The following ABCC4 variants were observed in gnomAD, a reference collection of about 807,000 sequenced individuals.
ABCC4 encodes the protein ATP binding cassette subfamily C member 4 (PEL blood group).
In ABCC4, 102 loss-of-function variants were observed where a neutral mutation model predicts 168.5. The observed-to-expected ratio is 0.61, with a 90% confidence interval of 0.52 to 0.71. The LOEUF (loss-of-function observed/expected upper bound fraction) is 0.71, where lower values mean the gene tolerates loss of function less well. Among genes scored for constraint, ABCC4 ranks in the 30% least tolerant of loss-of-function variants. The probability of loss-of-function intolerance (pLI) is 0.00; values close to 1 mark genes in which losing one functional copy is unlikely to be tolerated. For missense variants in ABCC4, 1,402 were observed against 1,605.8 expected (o/e 0.87, Z 2.17); for synonymous variants, 617 against 590.7 (o/e 1.04, Z -0.65).
chr13:95,086,726 A>G (rs970603346), intron 20 of ABCC4, among the ~76,000 whole-genome samples: 2 of 152,196 alleles, frequency 1.3e-5, no homozygotes, highest in Admixed American at 1.3e-4. Context: ...TGCAAATAAA[A>G]ATGCCATCCA....
Position 95,179,437 on chromosome 13 carries a change from AG to A in ABCC4, c.1546-1347del, listed in dbSNP as rs139923040. 2.1e-3 allele frequency among the ~76,000 whole-genome samples: 318 copies of A among 152,334 alleles called. 15 individuals carry two copies. The East Asian group carries it at 0.058, about 28-fold the overall frequency. Reference sequence around the variant, plus strand: ...TGCAAGACCCCAAAAAACAAAAGCTAGGAAGGAAAACAAGTTTTTATTTGAG... The same window carrying A: ...TGCAAGACCCCAAAAAACAAAAGCTAGAAGGAAAACAAGTTTTTATTTGAG... On this transcript the variant is annotated intron_variant, in intron 11 of 30. Coordinates refer to ENST00000645237, the MANE Select transcript of ABCC4 (RefSeq NM_005845.5).
At chr13:95,102,256 G>A (rs1013040573) in intron 20 of ABCC4, among the ~76,000 whole-genome samples, 4 of 152,112 alleles carry the variant, frequency 2.6e-5, no homozygotes, top group Non-Finnish European at 2.9e-5. Flanking sequence ...GTGATCTTCC[G>A]GACTCAGCCT....
intron 3 of ABCC4, among the ~76,000 whole-genome samples, chr13:95,240,216 T>C (rs1176779235): frequency 6.6e-6 from 1 of 152,212 alleles, no homozygotes; most frequent in Non-Finnish European, 1.5e-5. Flanking sequence ...TGGGAATCCG[T>C]GCAGGGCAAA....
intron 20 of ABCC4, among the ~76,000 whole-genome samples, chr13:95,093,645 C>T (rs2034503740): frequency 6.6e-6 from 1 of 152,058 alleles, no homozygotes; most frequent in Non-Finnish European, 1.5e-5. Context: ...GACAAGGATG[C>T]CCACTCTTAC....
chr13:95,066,486 A>C (rs772048150), intron 25 of ABCC4, among the ~76,000 whole-genome samples: 47 of 152,184 alleles, frequency 3.1e-4, no homozygotes, highest in Non-Finnish European at 4.4e-4. Context: ...TGCAAAAAAA[A>C]CCAGAAATCC....
chr13:95,101,597 A>C (rs1175546683), intron 20 of ABCC4, among the ~76,000 whole-genome samples: 1 of 152,224 alleles, frequency 6.6e-6, no homozygotes, highest in Non-Finnish European at 1.5e-5. Flanking sequence ...AGCTAGCAGA[A>C]GTCTAGATAA....
intron 19 of ABCC4, among the ~76,000 whole-genome samples, chr13:95,128,701 C>T (rs2035865144): frequency 6.6e-6 from 1 of 152,174 alleles, no homozygotes; most frequent in South Asian, 2.1e-4. Context: ...GATTAACCAC[C>T]CTAAAAACCC....
At chr13:95,295,660 G>A (rs1008237039) in intron 1 of ABCC4, among the ~76,000 whole-genome samples, 7 of 148,118 alleles carry the variant, frequency 4.7e-5, no homozygotes, top group African/African-American at 7.5e-5. Flanking sequence ...TCCGTCCCCC[G>A]CCCCTCAAAA....
intron 1 of ABCC4, among the ~76,000 whole-genome samples, chr13:95,256,015 A>T (rs1439540244): frequency 6.6e-6 from 1 of 152,198 alleles, no homozygotes; most frequent in East Asian, 1.9e-4. Context: ...TAGCCATCTT[A>T]GTCTTCTTCC....
At chr13:95,107,596 T>C (rs1029802182) in intron 20 of ABCC4, among the ~76,000 whole-genome samples, 1 of 152,174 alleles carries the variant, frequency 6.6e-6, no homozygotes, top group African/African-American at 2.4e-5. Context: ...GAGCTATATA[T>C]ATCACAACCT....
At chr13:95,267,238 T>C (rs56164690) in intron 1 of ABCC4, among the ~76,000 whole-genome samples, 6,939 of 152,154 alleles carry the variant, frequency 0.046, 533 homozygotes, top group African/African-American at 0.15. Context: ...TGAGAGGGCC[T>C]CGGTGGGAGG....
At chr13:95,271,693 A>G (rs2040851501) in intron 1 of ABCC4, among the ~76,000 whole-genome samples, 1 of 152,230 alleles carries the variant, frequency 6.6e-6, no homozygotes, top group Non-Finnish European at 1.5e-5. Flanking sequence ...TTGGTTCCTT[A>G]GCTTTATGTT....
intron 1 of ABCC4, among the ~76,000 whole-genome samples, chr13:95,248,844 C>T (rs1426620266): frequency 1.3e-5 from 2 of 152,066 alleles, no homozygotes; most frequent in African/African-American, 2.4e-5. Context: ...GCCAGAAGCT[C>T]GAGACCAGCC....
At chr13:95,280,651 G>A (rs1406998434) in intron 1 of ABCC4, among the ~76,000 whole-genome samples, 4 of 150,592 alleles carry the variant, frequency 2.7e-5, no homozygotes, top group Non-Finnish European at 5.9e-5. Context: ...TCTGTGAGAC[G>A]GCTCTCTGTG....
At chr13:95,152,991 T>G (rs1204361839) in intron 19 of ABCC4, among the ~76,000 whole-genome samples, 1 of 152,166 alleles carries the variant, frequency 6.6e-6, no homozygotes. Flanking sequence ...CCAAAAACTA[T>G]GCTTTATACA....
chr13:95,225,490 T>C (rs1594334589), intron 4 of ABCC4, among the ~76,000 whole-genome samples: 1 of 151,960 alleles, frequency 6.6e-6, no homozygotes. Context: ...GCCAACATGG[T>C]AAAATCCCGT....
At position 95,199,333 on chromosome 13, in the gene ABCC4, A is replaced by G. The variant is rs766982091; in HGVS notation, c.1162-4396T>C. Among the ~76,000 whole-genome samples, 67 of 152,190 alleles carry G rather than the reference A, an allele frequency of 4.4e-4. 1 individual carries two copies. The highest frequency in any genetic ancestry group is 2.6e-3 in the Admixed American group (39 of 15,272). On this transcript the variant is annotated intron_variant, in intron 8 of 30. Coordinates refer to ENST00000645237, the MANE Select transcript of ABCC4 (RefSeq NM_005845.5). ...AACACATCCACGAGAGGCAAGGAAG[A>G]AAGTGAACATTGGATCAATTCATTA...
intron 20 of ABCC4, among the ~76,000 whole-genome samples, chr13:95,087,409 C>G (rs2034292648): frequency 6.6e-6 from 1 of 152,084 alleles, no homozygotes; most frequent in Non-Finnish European, 1.5e-5. Context: ...ATCCCAGCTA[C>G]TTGGGAGGCT....
chr13:95,126,155 T>C (rs755419171), intron 19 of ABCC4, among the ~76,000 whole-genome samples: 19 of 152,202 alleles, frequency 1.2e-4, no homozygotes, highest in Non-Finnish European at 1.5e-4. Context: ...TGTACCACTT[T>C]AATCCCTAAG....
Sources: gnomAD v4.1 joint callset for allele counts (sites outside exome capture counted in the v4.1 genomes callset) on GRCh38, gnomAD v4.1.1 for gene constraint, MANE v1.5 for transcripts, NCBI Gene and HGNC (gene_info 2026-07-23, HGNC 2026-07-21) for gene names.